SLC19A1: variants seen among roughly 807,000 people sequenced by gnomAD.
SLC19A1 encodes solute carrier family 19 member 1.
SLC19A1 carries 37 observed loss-of-function variants against 35.3 expected under a neutral mutation model. The observed-to-expected ratio is 1.05, with a 90% confidence interval of 0.81 to 1.38. The LOEUF (loss-of-function observed/expected upper bound fraction) is 1.38. Ranked by LOEUF, SLC19A1 falls within the 40% of genes most tolerant of loss-of-function variation. The probability of loss-of-function intolerance (pLI) is 0.00; values close to 1 mark genes in which losing one functional copy is unlikely to be tolerated. For synonymous variants in SLC19A1, 460 were observed against 398.5 expected (o/e 1.15, Z -1.84); for missense variants, 831 against 826.9 (o/e 1.00, Z -0.06).
intron 4 of SLC19A1, among the ~76,000 whole-genome samples, chr21:45,529,821 AGTGTGTGGTGTGTCTGTGTG>A (rs1723559867): frequency 7.3e-6 from 1 of 136,448 alleles, no homozygotes; most frequent in African/African-American, 2.7e-5. Flanking sequence ...TGTCCATGTG[AGTGTGTGGTGTGTCTGTGTG>A]GTGTGTGTCC....
rs7510226 is a variant in SLC19A1, at chr21:45,533,012, T to C, written c.190-864A>G. Among the ~76,000 whole-genome samples, 80,107 of 151,570 alleles carry C rather than the reference T, an allele frequency of 0.53. 21,643 individuals are homozygous for C. Among genetic ancestry groups the C allele is most frequent in the South Asian group, 0.62 (2,968 of 4,816 alleles). On this transcript the variant is annotated intron_variant, in intron 2 of 5. Transcript: ENST00000311124. The surrounding 1 kb of genome is among the most constrained non-coding windows in gnomAD (Gnocchi z 4.5). ...GGGTAGGGCAGAGGGCCCTGGGCTG[T>C]GCACTCCCATCTCACACTTGTCCCC...
At chr21:45,508,437 G>A (rs1409456504), downstream of SLC19A1, among the ~76,000 whole-genome samples, 1 of 147,562 alleles carries the variant, frequency 6.8e-6, no homozygotes, top group East Asian at 2.1e-4. Context: ...GATGGATGGT[G>A]GGTAAGTGGG....
At chr21:45,510,786 A>T (rs2838954), downstream of SLC19A1, among the ~76,000 whole-genome samples, 2 of 151,948 alleles carry the variant, frequency 1.3e-5, no homozygotes, top group South Asian at 4.1e-4. Context: ...GGCTGGGAGC[A>T]GGCGGCTGTG....
At chr21:45,507,360 C>A in intron 3 of SLC19A1, 1 of 652,048 alleles carries the variant, frequency 1.5e-6, no homozygotes, top group Non-Finnish European at 2.8e-6. Flanking sequence ...GGGCACCCTG[C>A]TGTGGACTGG....
intron 3 of SLC19A1, among the ~76,000 whole-genome samples, chr21:45,503,746 C>G (rs937488952): frequency 1.3e-5 from 2 of 151,718 alleles, no homozygotes; most frequent in Admixed American, 6.6e-5. Context: ...TGTAACTAAC[C>G]TGCACATCAT....
In SLC19A1 at chr21:45,529,181, G is replaced by A. The variant is rs149563159; in HGVS notation, c.1151+1589C>T. 1.6e-3 allele frequency among the ~76,000 whole-genome samples: 237 copies of A among 152,344 alleles called. 1 individual carries two copies. Among genetic ancestry groups the A allele is most frequent in the African/African-American group, 5.3e-3 (220 of 41,576 alleles). On this transcript the variant is annotated intron_variant, in intron 4 of 5. Coordinates refer to ENST00000311124, the MANE Select transcript of SLC19A1 (RefSeq NM_194255.4). ...AGGGGCCCCGAGTATGGCAGGGGCG[G>A]GAGAGAAGGGTGGGCCGGGCTGCCC...
At chr21:45,523,624 C>T (rs2077504434) in intron 5 of SLC19A1, among the ~76,000 whole-genome samples, 1 of 152,214 alleles carries the variant, frequency 6.6e-6, no homozygotes, top group African/African-American at 2.4e-5. Context: ...AGCCCTCAGG[C>T]ATCTGCCCCT....
chr21:45,554,484 C>T (rs1315964524), intron 1 of SLC19A1, among the ~76,000 whole-genome samples: 2 of 32,374 alleles, frequency 6.2e-5, no homozygotes, highest in Admixed American at 3.0e-4. Context: ...CCCCCGCGCC[C>T]CCCTCCCAAT....
At chr21:45,509,633 A>G, downstream of SLC19A1, 1 of 1,173,724 alleles carries the variant, frequency 8.5e-7, no homozygotes, top group Non-Finnish European at 1.2e-6. Flanking sequence ...GCTTGGCTCC[A>G]TCTAGCCCCT....
chr21:45,509,728 T>C (rs905911179), downstream of SLC19A1: 6 of 710,250 alleles, frequency 8.4e-6, no homozygotes, highest in Admixed American at 1.0e-4. Context: ...GTCTGGCGGC[T>C]CAGGGCCACT....
At chr21:45,506,238 A>C in intron 3 of SLC19A1, 1 of 481,924 alleles carries the variant, frequency 2.1e-6, no homozygotes. Flanking sequence ...AACGTTTACA[A>C]AGATAAATGT....
At chr21:45,532,237 G>A (rs1216208783) in intron 2 of SLC19A1, 89 bp from the exon 3 acceptor site, 19 of 1,117,928 alleles carry the variant, frequency 1.7e-5, no homozygotes, top group Non-Finnish European at 2.2e-5. Flanking sequence ...GGCTGCTGAC[G>A]GCTTCCTGCC....
chr21:45,504,646 C>T (rs1016335954), intron 3 of SLC19A1: 38 of 1,201,060 alleles, frequency 3.2e-5, no homozygotes, highest in Middle Eastern at 2.7e-4. Flanking sequence ...TCGACACCCG[C>T]GAAGGCCGGA....
chr21:45,562,178 A>G (rs1221950524), intron 1 of SLC19A1, among the ~76,000 whole-genome samples: 1 of 151,964 alleles, frequency 6.6e-6, no homozygotes, highest in African/African-American at 2.4e-5. Context: ...ACTAACTCCA[A>G]AGGGTTTCCT....
rs1000828939 is a variant in SLC19A1 at position 45,517,755 on chromosome 21, A to G, written c.1294-1615T>C. ...AGAATGTCCCAACCCCAGGGGCATC[A>G]AGGGGGCCACGAGGGGAGCTGGACT... On this transcript the variant is annotated intron_variant, in intron 5 of 5. Transcript: ENST00000311124. This position sits in a 1 kb window ranked among gnomAD's most constrained non-coding sequence, Gnocchi z 4.4. Among the ~76,000 whole-genome samples the G allele has an allele frequency of 1.2e-4, 18 of 151,946 alleles. No individual in the cohort carries two copies. The highest frequency in any genetic ancestry group is 1.9e-4 in the Non-Finnish European group (13 of 67,990).
intron 1 of SLC19A1, among the ~76,000 whole-genome samples, chr21:45,539,132 CAAGT>C (rs1234280042): frequency 1.3e-5 from 2 of 152,246 alleles, no homozygotes; most frequent in Admixed American, 6.5e-5. Context: ...AGTTCTCCTT[CAAGT>C]AAGTCAAAAG....
chr21:45,505,763 C>T lies in SLC19A1; in HGVS notation c.498-7151G>A, dbSNP rs573045639. 31 of 1,178,262 alleles carry T rather than the reference C, an allele frequency of 2.6e-5. No homozygotes were observed. In the South Asian group the frequency reaches 2.7e-4, roughly 10 times the overall value. The allele number at this position is 1,178,262 out of a possible 1,614,324, so 73.0% of individuals were successfully genotyped here. The stretch of plus-strand genomic sequence containing the variant: ...GCGGCCCCTGCCCAGCACCCTGAAA[C>T]GGGCATTCCTTCCTTCCGCCCCTGC... On this transcript the variant is annotated intron_variant, in intron 3 of 4. Coordinates refer to the SLC19A1 transcript ENST00000417954.
At chr21:45,506,090 T>C in intron 3 of SLC19A1, 1 of 1,457,150 alleles carries the variant, frequency 6.9e-7, no homozygotes. Flanking sequence ...CAGCGCTTCT[T>C]AAACTTTCAA....
chr21:45,508,209 TATGA>T (rs1178377363), downstream of SLC19A1, among the ~76,000 whole-genome samples: 2 of 133,000 alleles, frequency 1.5e-5, no homozygotes, highest in African/African-American at 5.9e-5. Context: ...TGGGTGAGTG[TATGA>T]ATGGGTGGGT....
Sources: allele counts gnomAD v4.1 joint callset (sites outside exome capture counted in the v4.1 genomes callset), GRCh38; gene constraint gnomAD v4.1.1; non-coding constraint Gnocchi (gnomAD v3.1); transcripts MANE v1.5; gene names NCBI Gene and HGNC (gene_info 2026-07-23, HGNC 2026-07-21).